Variants in KREMEN1 observed in about 807,000 individuals in gnomAD.
KREMEN1 encodes the protein kremen protein 1.
In KREMEN1, 30 loss-of-function variants were observed where a neutral mutation model predicts 46.5. That is an observed-to-expected ratio of 0.65 (90% CI 0.48 to 0.88). The LOEUF (loss-of-function observed/expected upper bound fraction) is 0.88. Among genes scored for constraint, KREMEN1 ranks in the 40% least tolerant of loss-of-function variants. The pLI, the probability that KREMEN1 is intolerant of heterozygous loss-of-function variation, is 0.00. For synonymous variants in KREMEN1, 214 were observed against 230.6 expected, an observed-to-expected ratio of 0.93 and a Z score of 0.65; for missense variants, 533 against 596.9, an observed-to-expected ratio of 0.89 and a Z score of 1.11.
intron 3 of KREMEN1, among the ~76,000 whole-genome samples, chr22:29,117,806 C>A (rs1254925767): frequency 6.6e-6 from 1 of 152,170 alleles, no homozygotes; most frequent in Non-Finnish European, 1.5e-5. Flanking sequence ...AGAGATTCAT[C>A]GTCCATGACC....
chr22:29,107,805 A>C, intron 3 of KREMEN1, among the ~76,000 whole-genome samples: 1 of 152,122 alleles, frequency 6.6e-6, no homozygotes, highest in East Asian at 1.9e-4. Context: ...CAGGAGGTTG[A>C]GGCTGAGCTC....
At position 29,143,960 on chromosome 22, in the gene KREMEN1, G is replaced by A. The variant is rs1377571576; in HGVS notation, c.*1848G>A. On this transcript the variant is annotated 3_prime_UTR_variant, in exon 9 of 9. Transcript: ENST00000400335. ...TCCAAGGAGCTCCTCCTAAGATTGA[G>A]TGCTGCAGCTGTAGTGGCTGCTGGT... The A allele has an allele frequency of 1.0e-6, 1 of 985,328 alleles. No homozygotes were observed. The highest frequency in any genetic ancestry group is 1.1e-4 in the East Asian group (1 of 8,828). 61.0% of individuals were successfully genotyped at this position (985,328 alleles called of 1,614,324 possible).
Position 29,143,157 on chromosome 22 carries a change from A to C in KREMEN1, c.*1045A>C. ...AAGAGTGAGACTCTGTCTCAAAAAA[A>C]CAAAACACAAATAAACAAAAAAAAT... On this transcript the variant is annotated 3_prime_UTR_variant, in exon 9 of 9. Coordinates refer to ENST00000400335, the MANE Select transcript of KREMEN1 (RefSeq NM_001039570.3). The C allele has an allele frequency of 1.0e-6, 1 of 982,010 alleles. No homozygotes were observed. Among genetic ancestry groups the C allele is most frequent in the Non-Finnish European group, 1.2e-6 (1 of 826,996 alleles). 60.8% of individuals were successfully genotyped at this position (982,010 alleles called of 1,614,324 possible). A position where few individuals can be genotyped will look rare whatever the true frequency, so the allele number is the denominator to read the frequency against.
intron 9 of KREMEN1, among the ~76,000 whole-genome samples, chr22:29,159,326 AAAC>A (rs1569342893): frequency 6.6e-6 from 1 of 152,026 alleles, no homozygotes; most frequent in Non-Finnish European, 1.5e-5. Flanking sequence ...AGCAAAAACA[AAAC>A]AAAACCAAAG....
intron 4 of KREMEN1, among the ~76,000 whole-genome samples, chr22:29,122,267 C>G (rs114513544): frequency 0.014 from 2,134 of 152,302 alleles, 36 homozygotes; most frequent in African/African-American, 0.047. Context: ...TGAGATACCA[C>G]TGCACACCAC....
At position 29,125,074 on chromosome 22, in the gene KREMEN1, G is replaced by T. The variant is rs888957976; in HGVS notation, c.478-189G>T. The T allele has an allele frequency of 4.9e-6, 3 of 614,080 alleles. No homozygotes were observed. In the African/African-American group the frequency reaches 5.5e-5, roughly 11 times the overall value. 38.0% of individuals were successfully genotyped at this position (614,080 alleles called of 1,614,324 possible). On this transcript the variant is annotated intron_variant, in intron 4 of 8. Coordinates refer to ENST00000400335, the MANE Select transcript of KREMEN1 (RefSeq NM_001039570.3). ...ATGCTCGCCGACAGGGAAACACATT[G>T]GTGGTTGCGTACTTATTGTTCAGCT... is the stretch of plus-strand genomic sequence containing the variant.
At chr22:29,141,918 G>A (rs2038768124) in intron 8 of KREMEN1, 26 bp from the exon 9 acceptor site, 3 of 1,540,398 alleles carry the variant, frequency 1.9e-6, no homozygotes, top group African/African-American at 1.4e-5. Flanking sequence ...CTAATCTATT[G>A]GAAAAAATAT....
Position 29,073,195 on chromosome 22 carries a change from C to A in KREMEN1, c.65C>A (p.Pro22His). ...GCGGCGCTCACGCTGGCGGCCCGGC[C>A]CGCGCCTAGCCCCGGCCTCGGCCCC... Reference protein sequence around the residue: ...SAAALTLAARPAPSPGLGPGP... With the variant: ...SAAALTLAARHAPSPGLGPGP... Residue 22 changes from proline to histidine, a missense_variant, in exon 1 of 9, where the codon CCC becomes CAC. Pro to His is a moderately conservative substitution (Grantham distance 77). Transcript: ENST00000400335. The surrounding 1 kb of genome is among the most constrained non-coding windows in gnomAD (Gnocchi z 4.4). 8.4e-7 allele frequency: 1 copy of A among 1,192,636 alleles called. No individual in the cohort carries two copies. Among genetic ancestry groups the A allele is most frequent in the Non-Finnish European group, 1.0e-6 (1 of 964,708 alleles). 73.9% of individuals were successfully genotyped at this position (1,192,636 alleles called of 1,614,324 possible).
intron 2 of KREMEN1, 40 bp downstream of exon 2, chr22:29,094,460 A>T (rs1031136644): frequency 1.3e-6 from 2 of 1,549,600 alleles, no homozygotes; most frequent in Non-Finnish European, 1.8e-6. Context: ...AGATAGATAT[A>T]TATCTAGTCT....
At chr22:29,121,690 G>A (rs34688383) in intron 4 of KREMEN1, among the ~76,000 whole-genome samples, 51,094 of 152,046 alleles carry the variant, frequency 0.34, 10,125 homozygotes, top group Middle Eastern at 0.5. Context: ...GAAGCGGGAG[G>A]AATTGGTACT....
At chr22:29,077,808 T>C (rs1007395084) in intron 1 of KREMEN1, among the ~76,000 whole-genome samples, 1 of 152,208 alleles carries the variant, frequency 6.6e-6, no homozygotes, top group African/African-American at 2.4e-5. Flanking sequence ...GGTGAATGAA[T>C]GAAACTTTTA....
chr22:29,086,791 C>A (rs2037735795), intron 1 of KREMEN1, among the ~76,000 whole-genome samples: 1 of 152,170 alleles, frequency 6.6e-6, no homozygotes, highest in African/African-American at 2.4e-5. Context: ...TAGGGTCTCA[C>A]TCCATCGCCC....
chr22:29,157,844 T>A (rs4823018), intron 9 of KREMEN1, among the ~76,000 whole-genome samples: 4,496 of 152,306 alleles, frequency 0.03, 152 homozygotes, highest in East Asian at 0.1. Flanking sequence ...ATTGCTTCCA[T>A]CTTGTCATTC....
chr22:29,101,606 C>T (rs575955485), intron 3 of KREMEN1, among the ~76,000 whole-genome samples: 1 of 152,270 alleles, frequency 6.6e-6, no homozygotes. Flanking sequence ...ATAGGTAAAC[C>T]AATTTTTATC....
In KREMEN1 at chr22:29,073,065, G is replaced by GC; in HGVS notation, c.-61dup. ...GGCCCCGCGTCCTGCTCCCATGGCC[G>GC]CCCCCGGCTCCCCGCGCTGCCCCCT... On this transcript the variant is annotated 5_prime_UTR_variant, in exon 1 of 9. An upstream open reading frame in the 5' UTR loses its in-frame stop. Coordinates refer to ENST00000400335, the MANE Select transcript of KREMEN1 (RefSeq NM_001039570.3). The surrounding 1 kb of genome is among the most constrained non-coding windows in gnomAD (Gnocchi z 4.4). 1 of 385,180 alleles carries GC rather than the reference G, an allele frequency of 2.6e-6. No individual in the cohort carries two copies. Among genetic ancestry groups the GC allele is most frequent in the Non-Finnish European group, 3.5e-6 (1 of 282,260 alleles). 23.9% of individuals were successfully genotyped at this position (385,180 alleles called of 1,614,324 possible). A position where few individuals can be genotyped will look rare whatever the true frequency, so the allele number is the denominator to read the frequency against.
intron 2 of KREMEN1, among the ~76,000 whole-genome samples, chr22:29,095,787 C>G (rs1306940760): frequency 2.0e-5 from 3 of 151,928 alleles, no homozygotes; most frequent in Admixed American, 6.6e-5. Context: ...ATCCCTATAC[C>G]TTTCTCTATC....
Position 29,121,456 on chromosome 22 carries a change from G to GT in KREMEN1, c.457dup (p.Cys153LeufsTer24). 6.2e-7 allele frequency: 1 copy of GT among 1,614,072 alleles called. No homozygotes were observed. Among genetic ancestry groups the GT allele is most frequent in the South Asian group, 1.1e-5 (1 of 91,080 alleles). ...AAACTCACCATACAAACTTGCATCAGTTTTTGTCGGAGTCAGAGGTTCAAG... is the reference window on the plus strand; with the variant it reads ...AAACTCACCATACAAACTTGCATCAGTTTTTTGTCGGAGTCAGAGGTTCAAG... On this transcript the variant is annotated frameshift_variant, in exon 4 of 9. Coordinates refer to ENST00000400335, the MANE Select transcript of KREMEN1 (RefSeq NM_001039570.3). LOFTEE classifies it high-confidence loss of function.
In KREMEN1 at chr22:29,137,546, G is replaced by C. The variant is rs771289868; in HGVS notation, c.836G>C (p.Arg279Pro). Residue 279 changes from arginine to proline, a missense_variant, in exon 6 of 9, where the codon CGT becomes CCT. Coordinates refer to ENST00000400335, the MANE Select transcript of KREMEN1 (RefSeq NM_001039570.3). The part of the protein sequence containing the change: ...MVELLDGYTH[R>P]VLARFHGRSR... The stretch of plus-strand genomic sequence containing the variant: ...GAGCTTCTGGATGGCTACACCCACC[G>C]TGTCCTAGCCCGCTTCCACGGGAGG... 1.2e-6 allele frequency: 2 copies of C among 1,613,548 alleles called. No homozygotes were observed. The highest frequency in any genetic ancestry group is 1.1e-5 in the South Asian group (1 of 91,052).
downstream of KREMEN1, among the ~76,000 whole-genome samples, chr22:29,147,136 C>T (rs1443719260): frequency 1.3e-5 from 2 of 152,224 alleles, no homozygotes; most frequent in East Asian, 3.8e-4. Context: ...GATCCAGTCC[C>T]TCGACTACTC....
Sources: allele counts gnomAD v4.1 joint callset (sites outside exome capture counted in the v4.1 genomes callset), GRCh38; gene constraint gnomAD v4.1.1; non-coding constraint Gnocchi (gnomAD v3.1); transcripts MANE v1.5; gene names NCBI Gene and HGNC (gene_info 2026-07-23, HGNC 2026-07-21).